SENP6: variants seen among roughly 807,000 people sequenced by gnomAD.
SENP6 encodes the protein SUMO specific peptidase 6.
Under a neutral mutation model 134.5 loss-of-function variants are expected in SENP6, and 41 were observed. The observed-to-expected ratio is 0.30, with a 90% confidence interval of 0.24 to 0.40. The LOEUF (loss-of-function observed/expected upper bound fraction) is 0.40. Among genes scored for constraint, SENP6 ranks in the 10% least tolerant of loss-of-function variants. The pLI, the probability that SENP6 is intolerant of heterozygous loss-of-function variation, is 1.00. For missense variants in SENP6, 1,248 were observed against 1,312.5 expected, an observed-to-expected ratio of 0.95 and a Z score of 0.76; for synonymous variants, 395 against 429.8, an observed-to-expected ratio of 0.92 and a Z score of 1.00.
At chr6:75,650,848 T>C (rs1280701350) in intron 7 of SENP6, among the ~76,000 whole-genome samples, 2 of 152,232 alleles carry the variant, frequency 1.3e-5, no homozygotes, top group Non-Finnish European at 2.9e-5. Flanking sequence ...AGATCACTAA[T>C]TACTTGCATA....
At chr6:75,638,711 C>T (rs1769793904) in intron 5 of SENP6, among the ~76,000 whole-genome samples, 2 of 138,608 alleles carry the variant, frequency 1.4e-5, no homozygotes, top group African/African-American at 5.4e-5. Context: ...TAACCCGTTT[C>T]TTCTACCTCT....
chr6:75,614,006 C>T (rs1349289625), intron 1 of SENP6, among the ~76,000 whole-genome samples: 1 of 152,146 alleles, frequency 6.6e-6, no homozygotes, highest in Non-Finnish European at 1.5e-5. Flanking sequence ...TTGACCTTGA[C>T]ATATTTTAAG....
At position 75,677,162 on chromosome 6, in the gene SENP6, T is replaced by C; in HGVS notation, c.1754T>C (p.Phe585Ser). ...TCCAATTTTTTTGCGAAAATTCCCT[T>C]TGAAGAAGCTAATGGCAGACTTGTT... ...NISNFFAKIPFEEANGRLVAC... is the reference protein window; with the variant it reads ...NISNFFAKIPSEEANGRLVAC... The change falls in exon 14 of 24, where the codon TTT becomes TCT. Residue 585 changes from phenylalanine (F) to serine (S), a missense_variant. Transcript: ENST00000447266. 6.2e-7 allele frequency: 1 copy of C among 1,612,706 alleles called. No individual in the cohort carries two copies. Among genetic ancestry groups the C allele is most frequent in the Non-Finnish European group, 8.5e-7 (1 of 1,179,190 alleles).
In SENP6 at chr6:75,642,144, C is replaced by T. The variant is rs913062397; in HGVS notation, c.479+1440C>T. 3.9e-5 allele frequency among the ~76,000 whole-genome samples: 6 copies of T among 152,176 alleles called. 1 individual carries two copies. Among genetic ancestry groups the T allele is most frequent in the South Asian group, 4.1e-4 (2 of 4,834 alleles). On this transcript the variant is annotated intron_variant, in intron 6 of 23. Coordinates refer to ENST00000447266, the MANE Select transcript of SENP6 (RefSeq NM_015571.4). ...GATTACATGCTGCCTTTTAGGCATACGCTTTTATTCATTCCAAGTATTTAT... is the reference window on the plus strand; with the variant it reads ...GATTACATGCTGCCTTTTAGGCATATGCTTTTATTCATTCCAAGTATTTAT...
At chr6:75,602,849 T>C (rs1766740190) in intron 1 of SENP6, among the ~76,000 whole-genome samples, 1 of 152,160 alleles carries the variant, frequency 6.6e-6, no homozygotes, top group African/African-American at 2.4e-5. Context: ...GAGTGCGCGC[T>C]GAAGTCTTTG....
At chr6:75,662,872 T>TG (rs967326575) in intron 8 of SENP6, among the ~76,000 whole-genome samples, 5 of 152,206 alleles carry the variant, frequency 3.3e-5, no homozygotes, top group African/African-American at 1.2e-4. Context: ...AGCCAGTCAG[T>TG]ACTCAGCTTG....
At chr6:75,713,417 T>C in intron 21 of SENP6, 96 bp from the exon 22 acceptor site, 1 of 1,058,816 alleles carries the variant, frequency 9.4e-7, no homozygotes. Context: ...ATTTTGAAGG[T>C]TTTAAATTTG....
At chr6:75,633,956 G>A (rs1231343437) in intron 4 of SENP6, among the ~76,000 whole-genome samples, 2 of 152,160 alleles carry the variant, frequency 1.3e-5, no homozygotes, top group Non-Finnish European at 2.9e-5. Flanking sequence ...CTTTGTTAGG[G>A]TGGGATATCA....
At chr6:75,692,819 C>T (rs1359606420) in intron 16 of SENP6, among the ~76,000 whole-genome samples, 2 of 151,688 alleles carry the variant, frequency 1.3e-5, no homozygotes, top group Non-Finnish European at 1.5e-5. Flanking sequence ...AATCCTAGCA[C>T]TTGGGACGCC....
At chr6:75,690,835 A>G (rs1222955151) in intron 16 of SENP6, among the ~76,000 whole-genome samples, 1 of 151,588 alleles carries the variant, frequency 6.6e-6, no homozygotes, top group East Asian at 1.9e-4. Context: ...AGCTGGGACT[A>G]CAGGCGCTCA....
In SENP6 at chr6:75,713,494, G is replaced by C. The variant is rs891840116; in HGVS notation, c.2910-19G>C. 78 of 1,597,726 alleles carry C rather than the reference G, an allele frequency of 4.9e-5. No individual in the cohort carries two copies. Among genetic ancestry groups the C allele is most frequent in the Non-Finnish European group, 6.6e-5 (77 of 1,169,706 alleles). ...TAATATTATGAAGTATTCGACTTTTGGTCATTTTTACCCTGCAGACCTTGT... is the reference window on the plus strand; with the variant it reads ...TAATATTATGAAGTATTCGACTTTTCGTCATTTTTACCCTGCAGACCTTGT... On this transcript the variant is annotated intron_variant, in intron 21 of 23. Coordinates refer to ENST00000447266, the MANE Select transcript of SENP6 (RefSeq NM_015571.4).
intron 18 of SENP6, among the ~76,000 whole-genome samples, chr6:75,698,305 TAAAG>T (rs559055987): frequency 6.6e-6 from 1 of 152,216 alleles, no homozygotes; most frequent in Non-Finnish European, 1.5e-5. Flanking sequence ...CACTCATTAA[TAAAG>T]AAGAAGAATG....
At chr6:75,708,193 C>T (rs1473313388) in intron 19 of SENP6, among the ~76,000 whole-genome samples, 1 of 152,114 alleles carries the variant, frequency 6.6e-6, no homozygotes, top group Non-Finnish European at 1.5e-5. Context: ...TCTCAAGTAG[C>T]TGGGATTACA....
intron 16 of SENP6, among the ~76,000 whole-genome samples, chr6:75,692,754 C>A (rs1309486697): frequency 6.6e-6 from 1 of 151,888 alleles, no homozygotes; most frequent in Non-Finnish European, 1.5e-5. Context: ...CTCCCTCACA[C>A]CTGGCCCTGT....
At chr6:75,606,993 AATG>A (rs1277556516) in intron 1 of SENP6, among the ~76,000 whole-genome samples, 1 of 152,112 alleles carries the variant, frequency 6.6e-6, no homozygotes, top group African/African-American at 2.4e-5. Context: ...GGAGGACAAT[AATG>A]GTGTCAGATA....
chr6:75,693,837 C>T (rs1387539492), intron 16 of SENP6, among the ~76,000 whole-genome samples: 2 of 152,142 alleles, frequency 1.3e-5, no homozygotes, highest in Non-Finnish European at 2.9e-5. Flanking sequence ...CTTGAACTTG[C>T]ATAAGTCCTA....
At chr6:75,679,348 C>T (rs1403438061) in intron 16 of SENP6, 1 of 161,928 alleles carries the variant, frequency 6.2e-6, no homozygotes, top group Admixed American at 6.4e-5. Context: ...CGAAGTTGCA[C>T]TGAGCCATGA....
At chr6:75,665,744 C>CA (rs1477519231) in intron 9 of SENP6, among the ~76,000 whole-genome samples, 1 of 152,086 alleles carries the variant, frequency 6.6e-6, no homozygotes, top group Non-Finnish European at 1.5e-5. Flanking sequence ...TACTTGGCTA[C>CA]AGCCAGGTGC....
At chr6:75,620,520 A>G (rs541220726) in intron 1 of SENP6, 1 of 152,280 alleles carries the variant, frequency 6.6e-6, no homozygotes, top group African/African-American at 2.4e-5. Context: ...AAGGGCACCA[A>G]TCCCATTCGT....
Sources: allele counts gnomAD v4.1 joint callset (sites outside exome capture counted in the v4.1 genomes callset), GRCh38; gene constraint gnomAD v4.1.1; transcripts MANE v1.5; gene names NCBI Gene and HGNC (gene_info 2026-07-23, HGNC 2026-07-21).